Variants in CD200R1L observed in about 807,000 individuals in gnomAD.
CD200R1L encodes cell surface glycoprotein CD200 receptor 2.
In CD200R1L, 14 loss-of-function variants were observed where a neutral mutation model predicts 24.8. The observed-to-expected ratio is 0.56, with a 90% confidence interval of 0.37 to 0.88. The LOEUF (loss-of-function observed/expected upper bound fraction) is 0.88. CD200R1L is among the 40% of genes least tolerant of loss of function. The pLI, the probability that CD200R1L is intolerant of heterozygous loss-of-function variation, is 0.00. For missense variants in CD200R1L, 299 were observed against 297.8 expected (o/e 1.00, Z -0.03); for synonymous variants, 111 against 109.2 (o/e 1.02, Z -0.11).
intron 3 of CD200R1L, among the ~76,000 whole-genome samples, chr3:112,835,342 T>A (rs1938912775): frequency 2.6e-5 from 4 of 152,032 alleles, no homozygotes; most frequent in Admixed American, 2.6e-4. Flanking sequence ...CCATTGAGTG[T>A]TCAGTTCCTA....
chr3:112,839,875 C>T (rs1939040124), intron 2 of CD200R1L, among the ~76,000 whole-genome samples: 1 of 152,170 alleles, frequency 6.6e-6, no homozygotes, highest in South Asian at 2.1e-4. Flanking sequence ...CCTTAAAAGA[C>T]ACTTTCTATT....
At chr3:112,839,602 C>T (rs186237914) in intron 2 of CD200R1L, among the ~76,000 whole-genome samples, 78 of 152,304 alleles carry the variant, frequency 5.1e-4, no homozygotes, top group African/African-American at 1.7e-3. Context: ...AAACTTATCC[C>T]GTAAGAGGCT....
chr3:112,846,347 A>G (rs1939201159), intron 1 of CD200R1L, among the ~76,000 whole-genome samples: 1 of 152,266 alleles, frequency 6.6e-6, no homozygotes, highest in Non-Finnish European at 1.5e-5. Context: ...AATGCTGTAT[A>G]GTAAATTTTC....
intron 3 of CD200R1L, among the ~76,000 whole-genome samples, chr3:112,830,367 T>C (rs1461151313): frequency 6.6e-6 from 1 of 152,120 alleles, no homozygotes; most frequent in East Asian, 1.9e-4. Context: ...GTGATATCCA[T>C]GATGGAAATT....
At chr3:112,845,650 A>G (rs764060831) in intron 2 of CD200R1L, 29 bp downstream of exon 2, 1 of 1,577,562 alleles carries the variant, frequency 6.3e-7, no homozygotes. Context: ...CTTTATTTTC[A>G]GCTGAAAATG....
chr3:112,831,983 G>A (rs1208398438), intron 3 of CD200R1L, among the ~76,000 whole-genome samples: 1 of 152,138 alleles, frequency 6.6e-6, no homozygotes, highest in Non-Finnish European at 1.5e-5. Context: ...TAACATCACT[G>A]TATTATCATT....
At chr3:112,822,374 A>G (rs1340667919) in intron 6 of CD200R1L, among the ~76,000 whole-genome samples, 1 of 152,112 alleles carries the variant, frequency 6.6e-6, no homozygotes, top group Admixed American at 6.5e-5. Context: ...TCAGCCCCAC[A>G]CCACCACTCT....
chr3:112,819,723 A>G, intron 7 of CD200R1L, 49 bp downstream of exon 7: 1 of 1,456,870 alleles, frequency 6.9e-7, no homozygotes, highest in East Asian at 2.5e-5. Context: ...TTACAATGAT[A>G]CTTTTTTTTT....
chr3:112,818,913 C>G (rs961998306), intron 7 of CD200R1L: 1 of 154,090 alleles, frequency 6.5e-6, no homozygotes. Context: ...TGTCTTCACA[C>G]TGCTGTAAAG....
At chr3:112,831,071 A>G (rs1938786511) in intron 3 of CD200R1L, among the ~76,000 whole-genome samples, 1 of 152,338 alleles carries the variant, frequency 6.6e-6, no homozygotes, top group Middle Eastern at 3.4e-3. Flanking sequence ...CTCATGAATG[A>G]GAAATCACTA....
chr3:112,836,964 G>C (rs1241018896), intron 3 of CD200R1L, among the ~76,000 whole-genome samples: 1 of 152,128 alleles, frequency 6.6e-6, no homozygotes, highest in Non-Finnish European at 1.5e-5. Context: ...AAAATTATCT[G>C]TTCCTTAAAG....
chr3:112,842,755 A>C (rs1046774108), intron 2 of CD200R1L, among the ~76,000 whole-genome samples: 32 of 152,150 alleles, frequency 2.1e-4, no homozygotes, highest in African/African-American at 7.7e-4. Flanking sequence ...TATGCGGGAG[A>C]TGCGCCTGGT....
intron 6 of CD200R1L, among the ~76,000 whole-genome samples, chr3:112,821,909 G>A (rs531916310): frequency 4.1e-4 from 62 of 152,300 alleles, no homozygotes; most frequent in African/African-American, 1.4e-3. Context: ...GATTGAATAG[G>A]TTAAAAGAAA....
At chr3:112,845,616 A>C in intron 2 of CD200R1L, 63 bp downstream of exon 2, 533 of 1,113,108 alleles carry the variant, frequency 4.8e-4, no homozygotes, top group Non-Finnish European at 6.7e-4. Context: ...GATCAAGAGT[A>C]TCCTCATAAT....
In CD200R1L at chr3:112,837,953, C is replaced by T. The variant is rs528279309; in HGVS notation, c.-29G>A. ...AGTGAGCATTTTACCTTCATTAAGA[C>T]GTATTCTCTAACTTTGTATTTCCAG... On this transcript the variant is annotated 5_prime_UTR_variant, in exon 3 of 8. Transcript: ENST00000488794. 130 of 1,230,208 alleles carry T rather than the reference C, an allele frequency of 1.1e-4. No homozygotes were observed. The highest frequency in any genetic ancestry group is 4.1e-4 in the Admixed American group (13 of 31,764). The allele number at this position is 1,230,208 out of a possible 1,614,324, so 76.2% of individuals were successfully genotyped here.
At chr3:112,845,580 G>T in intron 2 of CD200R1L, 99 bp downstream of exon 2, 1 of 989,232 alleles carries the variant, frequency 1.0e-6, no homozygotes, top group Non-Finnish European at 1.6e-6. Context: ...GCTAGGACAA[G>T]TCAAGAAACA....
chr3:112,820,217 C>G (rs1354372018), intron 6 of CD200R1L, among the ~76,000 whole-genome samples: 1 of 152,128 alleles, frequency 6.6e-6, no homozygotes, highest in African/African-American at 2.4e-5. Flanking sequence ...TCCAACTTCC[C>G]ATGCAAATAT....
intron 2 of CD200R1L, among the ~76,000 whole-genome samples, chr3:112,840,451 C>T (rs1276798691): frequency 2.0e-5 from 3 of 152,326 alleles, no homozygotes; most frequent in Non-Finnish European, 4.4e-5. Flanking sequence ...TCATAACTTA[C>T]TCACTCACTA....
chr3:112,822,527 G>C (rs888910210), intron 6 of CD200R1L, among the ~76,000 whole-genome samples: 20 of 152,220 alleles, frequency 1.3e-4, no homozygotes, highest in Admixed American at 6.5e-4. Context: ...TTCTGGGTTG[G>C]GAGATTTTCT....
Sources: allele counts gnomAD v4.1 joint callset (sites outside exome capture counted in the v4.1 genomes callset), GRCh38; gene constraint gnomAD v4.1.1; transcripts MANE v1.5; gene names NCBI Gene and HGNC (gene_info 2026-07-23, HGNC 2026-07-21).